Variants in MYO7A observed in about 807,000 individuals in gnomAD.
MYO7A encodes the protein unconventional myosin-VIIa.
Under a neutral mutation model 263.8 loss-of-function variants are expected in MYO7A, and 210 were observed. That is an observed-to-expected ratio of 0.80 (90% CI 0.71 to 0.89). The LOEUF (loss-of-function observed/expected upper bound fraction) is 0.89, where lower values mean the gene tolerates loss of function less well. MYO7A is among the 40% of genes least tolerant of loss of function. The pLI is 0.00. For missense variants in MYO7A, 2,820 were observed against 2,968.3 expected (o/e 0.95, Z 1.16); for synonymous variants, 1,239 against 1,197.3 (o/e 1.03, Z -0.72).
Position 77,179,906 on chromosome 11 carries a change from G to A in MYO7A, c.2539G>A (p.Ala847Thr). 6.5e-7 allele frequency: 1 copy of A among 1,537,478 alleles called. No individual in the cohort carries two copies. The highest frequency in any genetic ancestry group is 2.0e-4 in the Middle Eastern group (1 of 4,882). The stretch of plus-strand genomic sequence containing the variant: ...GGCTGTGCTCACCGTGCAGGCCTAT[G>A]CCCGGGGCATGATCGCCCGCAGGCT... ...LWAVLTVQAY[A>T]RGMIARRLHQ... is the part of the protein sequence containing the mutation. The change falls in exon 21 of 49, where the codon GCC (alanine) becomes ACC (threonine). Residue 847 changes from alanine to threonine, a missense_variant. Ala to Thr is a moderately conservative substitution (Grantham distance 58, BLOSUM62 0). Coordinates refer to ENST00000409709, the MANE Select transcript of MYO7A (RefSeq NM_000260.4).
chr11:77,167,098 G>C (rs1275290991), intron 15 of MYO7A, among the ~76,000 whole-genome samples: 1 of 152,204 alleles, frequency 6.6e-6, no homozygotes, highest in Non-Finnish European at 1.5e-5. Context: ...AAAAGGGCTG[G>C]GCTTTTTCTC....
intron 19 of MYO7A, 42 bp downstream of exon 19, chr11:77,177,685 C>T: frequency 1.3e-6 from 2 of 1,519,314 alleles, no homozygotes; most frequent in Non-Finnish European, 1.8e-6. Flanking sequence ...AGCCCACATA[C>T]AGGTGTACGT....
intron 8 of MYO7A, 92 bp downstream of exon 8, chr11:77,157,484 G>A (rs1952604816): frequency 2.4e-6 from 2 of 829,618 alleles, no homozygotes; most frequent in South Asian, 1.7e-5. Flanking sequence ...GGTCTCACTG[G>A]TCACAGGGCT....
intron 4 of MYO7A, among the ~76,000 whole-genome samples, chr11:77,154,368 C>A (rs2135796001): frequency 6.6e-6 from 1 of 152,280 alleles, no homozygotes; most frequent in African/African-American, 2.4e-5. Flanking sequence ...GGTCTGAGAG[C>A]AGGGCCTGGT....
chr11:77,150,360 G>A (rs1555056551), intron 4 of MYO7A, among the ~76,000 whole-genome samples: 1 of 152,196 alleles, frequency 6.6e-6, no homozygotes, highest in African/African-American at 2.4e-5. Context: ...GGATTCATAA[G>A]GGAGAGGGAG....
In MYO7A at chr11:77,205,566, A is replaced by G; in HGVS notation, c.5585A>G (p.Lys1862Arg). ...GTGCAGCGCTTCCTGCAGTCCCGAAAGCACTGCCCACTCGCCATCGACTGC... is the reference window on the plus strand; with the variant it reads ...GTGCAGCGCTTCCTGCAGTCCCGAAGGCACTGCCCACTCGCCATCGACTGC... The part of the protein sequence containing the change: ...PHVQRFLQSR[K>R]HCPLAIDCLQ... The change falls in exon 40 of 49, where the codon AAG becomes AGG. Residue 1862 changes from lysine to arginine, a missense_variant. Physicochemically the swap from Lys to Arg is conservative, Grantham distance 26 (BLOSUM62 2). Coordinates refer to ENST00000409709, the MANE Select transcript of MYO7A (RefSeq NM_000260.4). 1 of 1,613,226 alleles carries G rather than the reference A, an allele frequency of 6.2e-7. No individual in the cohort carries two copies. Among genetic ancestry groups the G allele is most frequent in the Non-Finnish European group, 8.5e-7 (1 of 1,179,692 alleles).
Position 77,175,482 on chromosome 11 carries a change from C to T in MYO7A, c.2187+18C>T. The T allele has an allele frequency of 5.0e-6, 8 of 1,608,386 alleles. No homozygotes were observed. The highest frequency in any genetic ancestry group is 6.0e-6 in the Non-Finnish European group (7 of 1,176,374). ...TTCTGAAGGTGAGCACAGATGCCTT[C>T]CCTGGGCTGCCCTGGGGGGGCTGTA... On this transcript the variant is annotated intron_variant, in intron 18 of 48. Transcript: ENST00000409709.
intron 14 of MYO7A, among the ~76,000 whole-genome samples, chr11:77,164,817 A>G (rs1184033632): frequency 6.6e-6 from 1 of 152,250 alleles, no homozygotes; most frequent in African/African-American, 2.4e-5. Flanking sequence ...GAGGGAACAT[A>G]AGGGTCATCT....
At chr11:77,142,982 C>A (rs1555051667) in intron 3 of MYO7A, among the ~76,000 whole-genome samples, 160 bp downstream of exon 3, 1 of 152,180 alleles carries the variant, frequency 6.6e-6, no homozygotes, top group African/African-American at 2.4e-5. Context: ...CCCCAGCACC[C>A]CAACAAGAGG....
chr11:77,156,706 C>T lies in MYO7A; in HGVS notation c.517C>T (p.Gln173Ter), dbSNP rs782347270. The change falls in exon 6 of 49, where the codon CAG becomes TAG. Residue 173 changes from glutamine (Q) to a stop codon, truncating the protein, a stop_gained. Transcript: ENST00000409709. LOFTEE classifies it high-confidence loss of function. ...GKTESTKLIL[Q>*]FLAAISGQHS... ...GACGGAGAGCACAAAGCTGATCCTG[C>T]AGTTCCTGGCAGCCATCAGTGGGCA... 2 of 1,613,976 alleles carry T rather than the reference C, an allele frequency of 1.2e-6. No homozygotes were observed. Among genetic ancestry groups the T allele is most frequent in the South Asian group, 1.1e-5 (1 of 91,072 alleles).
intron 16 of MYO7A, among the ~76,000 whole-genome samples, chr11:77,173,665 C>T (rs1031322751): frequency 1.2e-4 from 19 of 152,148 alleles, no homozygotes; most frequent in African/African-American, 3.6e-4. Context: ...GCTGGGGCCT[C>T]GGGATCTGGG....
chr11:77,148,981 GAA>G (rs1951776695), intron 4 of MYO7A, among the ~76,000 whole-genome samples: 1 of 152,200 alleles, frequency 6.6e-6, no homozygotes, highest in Admixed American at 6.5e-5. Context: ...TGTGTAGTTG[GAA>G]AAGAGATGGC....
At chr11:77,198,710 T>C in intron 34 of MYO7A, 89 bp downstream of exon 34, 5 of 1,564,634 alleles carry the variant, frequency 3.2e-6, no homozygotes, top group Non-Finnish European at 4.3e-6. Context: ...TGAAGAGGCA[T>C]GAAGTGGCCT....
intron 24 of MYO7A, 106 bp downstream of exon 24, chr11:77,182,260 G>A: frequency 6.8e-7 from 1 of 1,465,184 alleles, no homozygotes; most frequent in Non-Finnish European, 9.3e-7. Context: ...GGGTCCCTGG[G>A]GGCCAGGGAC....
chr11:77,190,970 G>C, intron 30 of MYO7A, 100 bp downstream of exon 30: 1 of 1,318,260 alleles, frequency 7.6e-7, no homozygotes, highest in Non-Finnish European at 1.0e-6. Context: ...ATTCACCCTT[G>C]AGCACCTCGG....
Position 77,203,097 on chromosome 11 carries a change from T to TC in MYO7A, c.5208dup (p.Lys1737GlnfsTer28), listed in dbSNP as rs111033276. ...GCACACGCTGAGCCGTGTCATGGTG[T>TC]CCAAGGCCCGAGGCAAGGACCGGCT... On this transcript the variant is annotated frameshift_variant, in exon 38 of 49. Transcript: ENST00000409709. LOFTEE classifies it high-confidence loss of function. 5 of 1,548,888 alleles carry TC rather than the reference T, an allele frequency of 3.2e-6. No homozygotes were observed. Among genetic ancestry groups the TC allele is most frequent in the Non-Finnish European group, 4.4e-6 (5 of 1,146,972 alleles).
Position 77,199,749 on chromosome 11 carries a change from G to T in MYO7A, c.4783G>T (p.Val1595Phe). ...TGCTGAGGACATTCGTGACCTGGTG[G>T]TCACCTTCCTAGAGGGGCTCCGGAA... ...SNAEDIRDLV[V>F]TFLEGLRKRS... Residue 1595 changes from valine (V) to phenylalanine (F), a missense_variant, in exon 35 of 49, where the codon GTC becomes TTC. Transcript: ENST00000409709. 6.2e-7 allele frequency: 1 copy of T among 1,613,306 alleles called. No homozygotes were observed. Among genetic ancestry groups the T allele is most frequent in the Non-Finnish European group, 8.5e-7 (1 of 1,179,540 alleles).
intron 12 of MYO7A, 139 bp from the exon 13 acceptor site, chr11:77,161,981 A>G (rs1591295122): frequency 2.5e-6 from 2 of 804,418 alleles, no homozygotes; most frequent in Non-Finnish European, 2.0e-6. Context: ...GGACTTGACA[A>G]TTCCCCTCGC....
intron 14 of MYO7A, 33 bp from the exon 15 acceptor site, chr11:77,166,023 T>A: frequency 6.5e-7 from 1 of 1,536,252 alleles, no homozygotes; most frequent in Non-Finnish European, 9.0e-7. Flanking sequence ...CTGCCAGAGC[T>A]GGTGAGAGGT....
Sources: allele counts gnomAD v4.1 joint callset (sites outside exome capture counted in the v4.1 genomes callset), GRCh38; gene constraint gnomAD v4.1.1; transcripts MANE v1.5; gene names NCBI Gene and HGNC (gene_info 2026-07-23, HGNC 2026-07-21).